Variants in CCDC110 observed in about 807,000 individuals in gnomAD.
CCDC110 encodes coiled-coil domain-containing protein 110.
A neutral mutation model predicts 77.1 loss-of-function variants in CCDC110; 70 were observed. The ratio of observed to expected loss-of-function variants is 0.91; its 90% CI spans 0.75 to 1.11. The LOEUF (loss-of-function observed/expected upper bound fraction) is 1.11. Ranked by LOEUF, CCDC110 falls within the 50% of genes least tolerant of loss-of-function variation. The pLI is 0.00. For missense variants in CCDC110, 868 were observed against 942.9 expected, an observed-to-expected ratio of 0.92 and a Z score of 1.04; for synonymous variants, 295 against 312.5, an observed-to-expected ratio of 0.94 and a Z score of 0.59.
At chr4:185,447,501 A>G (rs2095617232) in intron 6 of CCDC110, among the ~76,000 whole-genome samples, 1 of 152,120 alleles carries the variant, frequency 6.6e-6, no homozygotes, top group African/African-American at 2.4e-5. Context: ...TTTTCAAAAC[A>G]TTTATCTCAA....
rs2095607687 is a variant in CCDC110 at position 185,445,450 on chromosome 4, A to C, written c.*52T>G. On this transcript the variant is annotated 3_prime_UTR_variant, in exon 7 of 7. Coordinates refer to ENST00000307588, the MANE Select transcript of CCDC110 (RefSeq NM_152775.4). ...ATATGCATAGTTCAGTTAGCAGTACAATTAACATTGGCTATTTCTCGAAGG... is the reference window on the plus strand; with the variant it reads ...ATATGCATAGTTCAGTTAGCAGTACCATTAACATTGGCTATTTCTCGAAGG... 3.1e-6 allele frequency: 4 copies of C among 1,270,210 alleles called. No individual in the cohort carries two copies. Among genetic ancestry groups the C allele is most frequent in the Non-Finnish European group, 4.5e-6 (4 of 881,798 alleles). The allele number at this position is 1,270,210 out of a possible 1,614,324, so 78.7% of individuals were successfully genotyped here. A position where few individuals can be genotyped will look rare whatever the true frequency, so the allele number is the denominator to read the frequency against.
intron 6 of CCDC110, among the ~76,000 whole-genome samples, chr4:185,448,272 C>T (rs1056967709): frequency 1.3e-5 from 2 of 152,284 alleles, no homozygotes; most frequent in Non-Finnish European, 2.9e-5. Flanking sequence ...CCGCCCGCCT[C>T]AGCCTCCCAA....
rs1222972691 is a variant in CCDC110 at position 185,459,018 on chromosome 4, T to C, written c.1569A>G (p.Lys523=). 7 of 1,594,502 alleles carry C rather than the reference T, an allele frequency of 4.4e-6. No individual in the cohort carries two copies. Among genetic ancestry groups the C allele is most frequent in the Non-Finnish European group, 5.1e-6 (6 of 1,173,864 alleles). The change falls in exon 6 of 7, where the codon AAA becomes AAG. Residue 523 remains lysine (K), a synonymous_variant. Transcript: ENST00000307588. ...GTTGTATATTTTTTTCCTCTAGAGT[T>C]TTATTTTGGCCTTGCAGAACATTAT... ...SKYNVLQGQN[K]TLEEKNIQLS...
At chr4:185,471,567 ACCCGGGATGTC>A in intron 1 of CCDC110, 96 bp downstream of exon 1, 1 of 1,276,674 alleles carries the variant, frequency 7.8e-7, no homozygotes, top group South Asian at 1.3e-5. Flanking sequence ...AGAAGGGCGG[ACCCGGGATGTC>A]CCGGGTTTTC....
rs2095642784 is a variant in CCDC110 at position 185,459,841 on chromosome 4, T to C, written c.746A>G (p.Lys249Arg). The C allele has an allele frequency of 6.2e-7, 1 of 1,613,208 alleles. No homozygotes were observed. Among genetic ancestry groups the C allele is most frequent in the African/African-American group, 1.3e-5 (1 of 74,910 alleles). The change falls in exon 6 of 7, where the codon AAA (lysine) becomes AGA (arginine). Residue 249 changes from lysine (K) to arginine (R), a missense_variant. Transcript: ENST00000307588. Reference protein sequence around the residue: ...DDICHSIKQMKEELQKSHDGE... With the variant: ...DDICHSIKQMREELQKSHDGE... The stretch of plus-strand genomic sequence containing the variant: ...ATCATGTGACTTTTGAAGCTCTTCT[T>C]TCATTTGTTTGATAGAATGGCAAAT...
chr4:185,447,655 T>TG (rs146241139), intron 6 of CCDC110, among the ~76,000 whole-genome samples: 19,796 of 152,198 alleles, frequency 0.13, 1,746 homozygotes, highest in African/African-American at 0.25. Flanking sequence ...AAGCCATGTA[T>TG]GCATCTCATT....
At chr4:185,447,127 T>C (rs1405556735) in intron 6 of CCDC110, among the ~76,000 whole-genome samples, 1 of 152,226 alleles carries the variant, frequency 6.6e-6, no homozygotes, top group African/African-American at 2.4e-5. Context: ...TCCATATATG[T>C]TATACCTTGT....
chr4:185,464,900 A>G lies in CCDC110; in HGVS notation c.116-1851T>C, dbSNP rs185910273. Among the ~76,000 whole-genome samples, 5 of 152,376 alleles carry G rather than the reference A, an allele frequency of 3.3e-5. No homozygotes were observed. In the East Asian group the frequency reaches 7.7e-4, roughly 23 times the overall value. ...AGATCCCTGTAAACTAATGAAAATT[A>G]ACATGAAAAGAATTAAAGATTGAAA... is the stretch of plus-strand genomic sequence containing the variant. On this transcript the variant is annotated intron_variant, in intron 2 of 6. Coordinates refer to ENST00000307588, the MANE Select transcript of CCDC110 (RefSeq NM_152775.4).
chr4:185,448,300 C>T (rs2095620676), intron 6 of CCDC110, among the ~76,000 whole-genome samples: 1 of 152,220 alleles, frequency 6.6e-6, no homozygotes, highest in African/African-American at 2.4e-5. Flanking sequence ...GGATTAAGTG[C>T]TGGGATTACA....
At chr4:185,456,685 GTCAAC>G (rs201007054) in intron 6 of CCDC110, among the ~76,000 whole-genome samples, 1,534 of 152,136 alleles carry the variant, frequency 0.01, 21 homozygotes, top group African/African-American at 0.035. Context: ...ATACAAAATT[GTCAAC>G]TCTAACTCAA....
chr4:185,457,636 T>C (rs4279261), intron 6 of CCDC110: 436,020 of 591,282 alleles, frequency 0.74, 162,444 homozygotes, highest in Middle Eastern at 0.79. Flanking sequence ...AAATATATAC[T>C]TAATTCCAAT....
intron 6 of CCDC110, among the ~76,000 whole-genome samples, chr4:185,447,383 T>C (rs942172284): frequency 1.2e-4 from 19 of 152,084 alleles, no homozygotes; most frequent in Non-Finnish European, 2.2e-4. Context: ...GGTTTCACTG[T>C]GTTAGCCAGG....
At chr4:185,471,629 C>G (rs1030319111) in intron 1 of CCDC110, 45 bp downstream of exon 1, 13 of 1,550,112 alleles carry the variant, frequency 8.4e-6, no homozygotes, top group Admixed American at 7.5e-5. Context: ...TGCTGCCCTC[C>G]GTTCCCGCGG....
rs771397144 is a variant in CCDC110, at chr4:185,459,764, C to T, written c.823G>A (p.Val275Ile). 7 of 1,613,754 alleles carry T rather than the reference C, an allele frequency of 4.3e-6. No homozygotes were observed. The South Asian group carries it at 7.7e-5, about 18-fold the overall frequency. Residue 275 changes from valine (V) to isoleucine (I), a missense_variant, in exon 6 of 7, where the codon GTT becomes ATT. By Grantham distance (29) the Val-to-Ile change is conservative. Coordinates refer to ENST00000307588, the MANE Select transcript of CCDC110 (RefSeq NM_152775.4). ...ELQTLQTDPDVHRNGKYDMSP... is the reference protein window; with the variant it reads ...ELQTLQTDPDIHRNGKYDMSP... ...ATGTCATATTTACCATTCCTGTGAA[C>T]ATCTGGATCAGTTTGTAAAGTCTGA...
chr4:185,449,560 C>T (rs1313138452), intron 6 of CCDC110: 4 of 1,361,172 alleles, frequency 2.9e-6, no homozygotes, highest in South Asian at 2.7e-5. Flanking sequence ...TGACTTGCAC[C>T]TATAAAATTA....
intron 2 of CCDC110, among the ~76,000 whole-genome samples, chr4:185,466,243 CAT>C (rs2095655680): frequency 6.6e-6 from 1 of 152,022 alleles, no homozygotes; most frequent in Non-Finnish European, 1.5e-5. Flanking sequence ...GGTGTGGTGG[CAT>C]GTGCCTGTAA....
rs543807811 is a variant in CCDC110, at chr4:185,450,386, C to T, written c.2462-4844G>A. On this transcript the variant is annotated intron_variant, in intron 6 of 6. Transcript: ENST00000307588. ...TGTCAAGCTGCTTCTCCTGGGGCATCCCACCTAGGCCTTACCCGCTAGTCC... is the reference window on the plus strand; with the variant it reads ...TGTCAAGCTGCTTCTCCTGGGGCATTCCACCTAGGCCTTACCCGCTAGTCC... 5.3e-5 allele frequency among the ~76,000 whole-genome samples: 8 copies of T among 152,316 alleles called. No individual in the cohort carries two copies. In the South Asian group the frequency reaches 1.7e-3, roughly 32 times the overall value.
chr4:185,465,756 T>G (rs531505055), intron 2 of CCDC110, among the ~76,000 whole-genome samples: 1 of 152,300 alleles, frequency 6.6e-6, no homozygotes, highest in African/African-American at 2.4e-5. Flanking sequence ...TGAAGATATC[T>G]TGGACTAGAA....
chr4:185,471,478 G>A, intron 1 of CCDC110, 196 bp downstream of exon 1: 2 of 553,480 alleles, frequency 3.6e-6, no homozygotes, highest in South Asian at 3.0e-5. Flanking sequence ...CACGTAGCCA[G>A]CCTGTAAGCC....
Sources: allele counts gnomAD v4.1 joint callset (sites outside exome capture counted in the v4.1 genomes callset), GRCh38; gene constraint gnomAD v4.1.1; transcripts MANE v1.5; gene names NCBI Gene and HGNC (gene_info 2026-07-23, HGNC 2026-07-21).